SLC22A3: variants seen among roughly 807,000 people sequenced by gnomAD.
SLC22A3 encodes the protein EMT organic cation transporter 3.
In SLC22A3, 51 loss-of-function variants were observed where a neutral mutation model predicts 59.1. That is an observed-to-expected ratio of 0.86 (90% CI 0.69 to 1.09). The LOEUF is 1.09. Among genes scored for constraint, SLC22A3 ranks in the 50% least tolerant of loss-of-function variants. SLC22A3 has a pLI of 0.00. For missense variants in SLC22A3, 711 were observed against 726.3 expected (o/e 0.98, Z 0.24); for synonymous variants, 325 against 292.0 (o/e 1.11, Z -1.15).
chr6:160,420,371 T>A (rs1394946465), intron 5 of SLC22A3, among the ~76,000 whole-genome samples: 1 of 152,178 alleles, frequency 6.6e-6, no homozygotes, highest in Non-Finnish European at 1.5e-5. Context: ...ATCTTCCAGA[T>A]TTCCTCTGGG....
chr6:160,374,013 G>C (rs1158473433), intron 1 of SLC22A3, among the ~76,000 whole-genome samples: 2 of 152,148 alleles, frequency 1.3e-5, no homozygotes, highest in Non-Finnish European at 2.9e-5. Flanking sequence ...CCAGGGGAGA[G>C]AACAGTTCTG....
intron 3 of SLC22A3, among the ~76,000 whole-genome samples, chr6:160,408,178 A>T (rs1419624113): frequency 6.6e-6 from 1 of 152,210 alleles, no homozygotes; most frequent in African/African-American, 2.4e-5. Context: ...AGGGGCAGGA[A>T]AGGAAAAGAT....
At chr6:160,438,595 CAT>C (rs1431590055) in intron 7 of SLC22A3, among the ~76,000 whole-genome samples, 118 of 44,268 alleles carry the variant, frequency 2.7e-3, no homozygotes, top group Middle Eastern at 0.031. Context: ...CACACACACA[CAT>C]ACACACACAC....
intron 5 of SLC22A3, among the ~76,000 whole-genome samples, chr6:160,417,266 C>T (rs754104797): frequency 1.2e-4 from 19 of 152,174 alleles, no homozygotes; most frequent in Non-Finnish European, 2.4e-4. Context: ...CTTCTGTCTG[C>T]CACAAGAACA....
chr6:160,375,920 A>T (rs1785572481), intron 1 of SLC22A3, among the ~76,000 whole-genome samples: 1 of 152,046 alleles, frequency 6.6e-6, no homozygotes, highest in Non-Finnish European at 1.5e-5. Flanking sequence ...TAGGTTTTTA[A>T]ACCCTCTAAG....
intron 5 of SLC22A3, among the ~76,000 whole-genome samples, chr6:160,430,297 T>A (rs1283801364): frequency 6.6e-6 from 1 of 152,160 alleles, no homozygotes; most frequent in Non-Finnish European, 1.5e-5. Context: ...TTAAGTAACA[T>A]GCTAGTAAAA....
chr6:160,357,143 G>A (rs1345692656), intron 1 of SLC22A3, among the ~76,000 whole-genome samples: 1 of 152,204 alleles, frequency 6.6e-6, no homozygotes, highest in East Asian at 1.9e-4. Context: ...GGAAGGGTAG[G>A]CACAAGCCTG....
Position 160,407,079 on chromosome 6 carries a change from G to T in SLC22A3, c.572G>T (p.Gly191Val), listed in dbSNP as rs759802119. 1 of 1,613,086 alleles carries T rather than the reference G, an allele frequency of 6.2e-7. No homozygotes were observed. Among genetic ancestry groups the T allele is most frequent in the East Asian group, 2.2e-5 (1 of 44,862 alleles). The change falls in exon 3 of 11, where the codon GGT (glycine) becomes GTT (valine). Residue 191 changes from glycine (G) to valine (V), a missense_variant. Transcript: ENST00000275300. The stretch of plus-strand genomic sequence containing the variant: ...GTCATTTACTTGCTATCCTGCCTTG[G>T]TGTTGGCGTCACTGGGGTTGTGGTG... ...RIVIYLLSCL[G>V]VGVTGVVVAF...
intron 1 of SLC22A3, among the ~76,000 whole-genome samples, chr6:160,393,425 G>T (rs1786341870): frequency 6.7e-6 from 1 of 149,628 alleles, no homozygotes; most frequent in African/African-American, 2.5e-5. Context: ...ATCTCCTAAT[G>T]CTATCCCTCC....
intron 5 of SLC22A3, among the ~76,000 whole-genome samples, chr6:160,427,529 G>C (rs1371934432): frequency 6.6e-6 from 1 of 152,176 alleles, no homozygotes; most frequent in Non-Finnish European, 1.5e-5. Flanking sequence ...CCAACAGCTG[G>C]AACAGTTCCC....
At chr6:160,444,277 A>G (rs894754385) in intron 9 of SLC22A3, among the ~76,000 whole-genome samples, 71 of 152,250 alleles carry the variant, frequency 4.7e-4, no homozygotes, top group Middle Eastern at 3.4e-3. Flanking sequence ...ATGCTGAGGC[A>G]GGAGGATCAA....
intron 1 of SLC22A3, among the ~76,000 whole-genome samples, chr6:160,397,479 T>C (rs1786528007): frequency 6.6e-6 from 1 of 152,074 alleles, no homozygotes; most frequent in Non-Finnish European, 1.5e-5. Context: ...CTCACTCCTA[T>C]AATCCCAGCA....
At chr6:160,358,548 G>C (rs900313906) in intron 1 of SLC22A3, among the ~76,000 whole-genome samples, 1 of 152,134 alleles carries the variant, frequency 6.6e-6, no homozygotes, top group Non-Finnish European at 1.5e-5. Context: ...ATGAAAACTA[G>C]GGAAAGGCCC....
intron 5 of SLC22A3, among the ~76,000 whole-genome samples, chr6:160,416,978 G>C (rs1478154809): frequency 6.6e-6 from 1 of 152,186 alleles, no homozygotes; most frequent in Non-Finnish European, 1.5e-5. Flanking sequence ...ATGGAGAGCT[G>C]GGATTGTTTC....
intron 1 of SLC22A3, among the ~76,000 whole-genome samples, chr6:160,360,963 G>A (rs1176646419): frequency 6.6e-6 from 1 of 152,166 alleles, no homozygotes; most frequent in Non-Finnish European, 1.5e-5. Flanking sequence ...AAAAGAAGGG[G>A]TAGGGAGTAA....
rs748418277 is a variant in SLC22A3, at chr6:160,447,775, A to G, written c.1567A>G (p.Ile523Val). 1.4e-5 allele frequency: 22 copies of G among 1,614,128 alleles called. No homozygotes were observed. Among genetic ancestry groups the G allele is most frequent in the Non-Finnish European group, 1.7e-5 (20 of 1,180,002 alleles). Reference protein sequence around the residue: ...LVMLLPETKGIALPETVDDVE... With the variant: ...LVMLLPETKGVALPETVDDVE... ...GATGCTTTTGCCTGAAACCAAGGGT[A>G]TTGCCTTGCCAGAGACAGTGGATGA... The change falls in exon 10 of 11, where the codon ATT becomes GTT. Residue 523 changes from isoleucine to valine, a missense_variant. Coordinates refer to ENST00000275300, the MANE Select transcript of SLC22A3 (RefSeq NM_021977.4).
intron 2 of SLC22A3, among the ~76,000 whole-genome samples, chr6:160,401,352 T>C (rs1253155187): frequency 6.6e-6 from 1 of 151,882 alleles, no homozygotes; most frequent in African/African-American, 2.4e-5. Context: ...TGATAAAAAT[T>C]ACACCCTACT....
intron 9 of SLC22A3, among the ~76,000 whole-genome samples, chr6:160,445,981 G>A (rs1362140241): frequency 1.3e-5 from 2 of 152,214 alleles, no homozygotes; most frequent in Admixed American, 6.5e-5. Flanking sequence ...TTGAAGCTGA[G>A]GGAGTGGCCC....
chr6:160,444,224 A>G (rs148004086), intron 9 of SLC22A3, among the ~76,000 whole-genome samples: 1,789 of 152,200 alleles, frequency 0.012, 37 homozygotes, highest in Middle Eastern at 0.095. Flanking sequence ...AAAATTAGCT[A>G]GGCGTGGTGA....
Sources: allele counts gnomAD v4.1 joint callset (sites outside exome capture counted in the v4.1 genomes callset), GRCh38; gene constraint gnomAD v4.1.1; transcripts MANE v1.5; gene names NCBI Gene and HGNC (gene_info 2026-07-23, HGNC 2026-07-21).